CNTN5: variants seen among roughly 807,000 people sequenced by gnomAD.
CNTN5 encodes contactin 5, also known as contactin-5.
A neutral mutation model predicts 129.1 loss-of-function variants in CNTN5; 77 were observed. The ratio of observed to expected loss-of-function variants is 0.60; its 90% CI spans 0.50 to 0.72. The LOEUF (loss-of-function observed/expected upper bound fraction) is 0.72, where lower values mean the gene tolerates loss of function less well. Among genes scored for constraint, CNTN5 ranks in the 30% least tolerant of loss-of-function variants. The probability of loss-of-function intolerance (pLI) is 0.00; values close to 1 mark genes in which losing one functional copy is unlikely to be tolerated. For synonymous variants in CNTN5, 509 were observed against 465.6 expected (o/e 1.09, Z -1.20); for missense variants, 1,478 against 1,328.8 (o/e 1.11, Z -1.75).
intron 1 of CNTN5, among the ~76,000 whole-genome samples, chr11:99,185,599 A>G (rs1433608056): frequency 6.6e-6 from 1 of 151,788 alleles, no homozygotes; most frequent in Non-Finnish European, 1.5e-5. Flanking sequence ...TCTGCATTGA[A>G]CTTTTTTTTA....
intron 2 of CNTN5, among the ~76,000 whole-genome samples, chr11:99,422,387 C>T (rs1051536327): frequency 5.3e-5 from 8 of 151,478 alleles, no homozygotes; most frequent in Admixed American, 2.6e-4. Context: ...TTTGCATACA[C>T]ATTATATCAG....
intron 9 of CNTN5, among the ~76,000 whole-genome samples, chr11:100,050,359 A>G (rs1341728452): frequency 3.9e-5 from 6 of 152,018 alleles, no homozygotes; most frequent in Admixed American, 6.6e-5. Context: ...ATCATTCTCA[A>G]TAAACTATCA....
intron 2 of CNTN5, among the ~76,000 whole-genome samples, chr11:99,374,602 T>G (rs1591592398): frequency 6.6e-6 from 1 of 152,082 alleles, no homozygotes; most frequent in African/African-American, 2.4e-5. Context: ...GAGAATGGCG[T>G]GAACCCAGGA....
In CNTN5 at chr11:100,029,206, G is replaced by A. The variant is rs116439938; in HGVS notation, c.980+27070G>A. ...CTTGAATCATGTCTAAGAAAGTCTG[G>A]TTTTAGTTATAATATCAACTGAAAT... is the stretch of plus-strand genomic sequence containing the variant. On this transcript the variant is annotated intron_variant, in intron 9 of 24. Transcript: ENST00000524871. Among the ~76,000 whole-genome samples, 1,056 of 152,112 alleles carry A rather than the reference G, an allele frequency of 6.9e-3. 10 individuals carry two copies. Among genetic ancestry groups the A allele is most frequent in the African/African-American group, 0.024 (1,016 of 41,508 alleles).
At chr11:100,271,974 T>C (rs2138785611) in intron 18 of CNTN5, among the ~76,000 whole-genome samples, 1 of 152,330 alleles carries the variant, frequency 6.6e-6, no homozygotes, top group South Asian at 2.1e-4. Flanking sequence ...AGGTCTTTTA[T>C]GTCCCTCTAA....
chr11:100,062,629 GT>G (rs1943529924), intron 10 of CNTN5, among the ~76,000 whole-genome samples: 1 of 152,184 alleles, frequency 6.6e-6, no homozygotes, highest in African/African-American at 2.4e-5. Flanking sequence ...GGAATGCAGA[GT>G]CTACTGCATT....
chr11:99,456,718 A>G (rs1170135231), intron 2 of CNTN5, among the ~76,000 whole-genome samples: 1 of 152,110 alleles, frequency 6.6e-6, no homozygotes, highest in Non-Finnish European at 1.5e-5. Context: ...CTGAACAACG[A>G]CAACAACAGA....
chr11:99,955,725 ATT>A (rs1208560453), intron 7 of CNTN5, among the ~76,000 whole-genome samples: 2 of 146,164 alleles, frequency 1.4e-5, no homozygotes, highest in Admixed American at 6.8e-5. Context: ...GGCCCGGCTA[ATT>A]TTTTTTTTTT....
intron 7 of CNTN5, among the ~76,000 whole-genome samples, chr11:99,940,071 T>C (rs1950401260): frequency 6.6e-6 from 1 of 152,098 alleles, no homozygotes; most frequent in Non-Finnish European, 1.5e-5. Context: ...TTAATTTCTT[T>C]AATAGGAGCA....
intron 3 of CNTN5, among the ~76,000 whole-genome samples, chr11:99,667,007 T>C (rs1952819567): frequency 6.6e-6 from 1 of 151,958 alleles, no homozygotes; most frequent in South Asian, 2.1e-4. Context: ...TATAATGCTT[T>C]AATAATAATT....
intron 3 of CNTN5, among the ~76,000 whole-genome samples, chr11:99,757,947 T>A (rs1340713125): frequency 6.6e-6 from 1 of 152,114 alleles, no homozygotes. Flanking sequence ...ATGATTATTA[T>A]ACAGAATTAC....
intron 7 of CNTN5, among the ~76,000 whole-genome samples, chr11:99,923,424 A>T (rs557543457): frequency 7.9e-5 from 12 of 152,220 alleles, no homozygotes; most frequent in Admixed American, 7.9e-4. Flanking sequence ...CATAAAACCT[A>T]TAAACCTATA....
intron 1 of CNTN5, among the ~76,000 whole-genome samples, chr11:99,240,379 T>C (rs1189293109): frequency 6.6e-6 from 1 of 152,124 alleles, no homozygotes; most frequent in Non-Finnish European, 1.5e-5. Flanking sequence ...ATCTGTATTC[T>C]CCTCACTCTA....
chr11:99,602,542 T>G (rs1005514656), intron 3 of CNTN5, among the ~76,000 whole-genome samples: 1 of 151,958 alleles, frequency 6.6e-6, no homozygotes, highest in African/African-American at 2.4e-5. Context: ...TATATTAATA[T>G]AGTTATAATA....
intron 6 of CNTN5, among the ~76,000 whole-genome samples, chr11:99,847,106 T>G (rs1028022073): frequency 6.6e-6 from 1 of 152,244 alleles, no homozygotes; most frequent in Non-Finnish European, 1.5e-5. Flanking sequence ...GGCTTATACC[T>G]TACAGTTTGG....
At chr11:99,083,297 A>T (rs1413697061) in intron 1 of CNTN5, among the ~76,000 whole-genome samples, 1 of 152,014 alleles carries the variant, frequency 6.6e-6, no homozygotes, top group Non-Finnish European at 1.5e-5. Flanking sequence ...TATTATTCAC[A>T]CATGTGTCCT....
At chr11:99,503,577 A>G (rs1946504531) in intron 2 of CNTN5, among the ~76,000 whole-genome samples, 1 of 152,182 alleles carries the variant, frequency 6.6e-6, no homozygotes, top group African/African-American at 2.4e-5. Flanking sequence ...AATCTGTAAT[A>G]TAGCACTTGA....
chr11:99,249,273 T>C (rs537714465), intron 1 of CNTN5, among the ~76,000 whole-genome samples: 1 of 152,102 alleles, frequency 6.6e-6, no homozygotes. Flanking sequence ...TGTTTGTCTG[T>C]TATTGGTGTA....
At chr11:99,659,490 A>G (rs188490858) in intron 3 of CNTN5, among the ~76,000 whole-genome samples, 2 of 152,158 alleles carry the variant, frequency 1.3e-5, no homozygotes, top group African/African-American at 4.8e-5. Flanking sequence ...CTTCAGAAAA[A>G]CAGAACAAAT....
Sources: gnomAD v4.1 joint callset for allele counts (sites outside exome capture counted in the v4.1 genomes callset) on GRCh38, gnomAD v4.1.1 for gene constraint, MANE v1.5 for transcripts, NCBI Gene and HGNC (gene_info 2026-07-23, HGNC 2026-07-21) for gene names.